Variants in WDPCP observed in about 807,000 individuals in gnomAD.
WDPCP encodes the protein WD repeat-containing and planar cell polarity effector protein fritz homolog.
WDPCP carries 71 observed loss-of-function variants against 93.1 expected under a neutral mutation model. That is an observed-to-expected ratio of 0.76 (90% CI 0.63 to 0.93). The LOEUF is 0.93. WDPCP is among the 40% of genes least tolerant of loss of function. The pLI is 0.00. For synonymous variants in WDPCP, 315 were observed against 315.0 expected (o/e 1.00, Z 0.00); for missense variants, 844 against 887.4 (o/e 0.95, Z 0.62).
At chr2:63,273,394 TAA>T (rs1682809443) in intron 13 of WDPCP, among the ~76,000 whole-genome samples, 1 of 148,812 alleles carries the variant, frequency 6.7e-6, no homozygotes, top group African/African-American at 2.5e-5. Flanking sequence ...TAATAAACAG[TAA>T]GAGAGGAAGA....
intron 12 of WDPCP, among the ~76,000 whole-genome samples, chr2:63,373,203 C>T (rs1691551756): frequency 6.6e-6 from 1 of 151,240 alleles, no homozygotes; most frequent in South Asian, 2.1e-4. Flanking sequence ...CTGGTATAAA[C>T]TTTTTTATAT....
chr2:63,688,242 C>T (rs768590855), intron 2 of WDPCP, among the ~76,000 whole-genome samples: 1 of 152,044 alleles, frequency 6.6e-6, no homozygotes, highest in South Asian at 2.1e-4. Context: ...CTGGCTAACA[C>T]GGTGAAACCC....
At chr2:63,267,913 T>C (rs1682276233) in intron 13 of WDPCP, among the ~76,000 whole-genome samples, 1 of 152,170 alleles carries the variant, frequency 6.6e-6, no homozygotes, top group Non-Finnish European at 1.5e-5. Context: ...GAAAACAGTA[T>C]GGAGGTTTCT....
intron 6 of WDPCP, among the ~76,000 whole-genome samples, chr2:63,470,686 T>C (rs1699639570): frequency 6.6e-6 from 1 of 152,178 alleles, no homozygotes; most frequent in South Asian, 2.1e-4. Context: ...TGAAACATAT[T>C]TCTCCACTCA....
At chr2:63,459,327 G>A (rs1279006814) in intron 6 of WDPCP, among the ~76,000 whole-genome samples, 1 of 151,864 alleles carries the variant, frequency 6.6e-6, no homozygotes, top group Non-Finnish European at 1.5e-5. Context: ...TCCAATAGGG[G>A]ACTACTAATA....
At chr2:63,762,635 C>T (rs1046897046) in intron 2 of WDPCP, among the ~76,000 whole-genome samples, 1 of 152,126 alleles carries the variant, frequency 6.6e-6, no homozygotes, top group Admixed American at 6.5e-5. Flanking sequence ...CTGAAGGGTC[C>T]CGAAGGAGGT....
At chr2:63,641,292 A>C (rs1459098524) in intron 3 of WDPCP, among the ~76,000 whole-genome samples, 1 of 152,194 alleles carries the variant, frequency 6.6e-6, no homozygotes, top group African/African-American at 2.4e-5. Context: ...GAGTGCAGAT[A>C]TCTCTTCAAT....
At chr2:63,383,598 A>G (rs983072356) in intron 10 of WDPCP, among the ~76,000 whole-genome samples, 7 of 152,140 alleles carry the variant, frequency 4.6e-5, no homozygotes, top group Non-Finnish European at 8.8e-5. Flanking sequence ...CAATAATCAC[A>G]GCTACTCGGG....
intron 1 of WDPCP, among the ~76,000 whole-genome samples, chr2:63,517,196 A>G (rs931357047): frequency 6.6e-6 from 1 of 152,092 alleles, no homozygotes; most frequent in Non-Finnish European, 1.5e-5. Context: ...ACTTTTGAGT[A>G]CCTATAATCC....
intron 3 of WDPCP, among the ~76,000 whole-genome samples, chr2:63,596,826 G>C (rs2106610207): frequency 6.6e-6 from 1 of 152,252 alleles, no homozygotes; most frequent in Non-Finnish European, 1.5e-5. Flanking sequence ...GTTGAACTCT[G>C]GACCAACCTA....
At chr2:63,707,465 T>A (rs192222330) in intron 2 of WDPCP, among the ~76,000 whole-genome samples, 261 of 152,206 alleles carry the variant, frequency 1.7e-3, no homozygotes, top group African/African-American at 5.8e-3. Context: ...CGTGCCATGG[T>A]TTTCAGCTCC....
chr2:63,632,945 A>G (rs1709879416), intron 3 of WDPCP, among the ~76,000 whole-genome samples: 1 of 152,204 alleles, frequency 6.6e-6, no homozygotes, highest in Non-Finnish European at 1.5e-5. Flanking sequence ...ACTGTCAAAA[A>G]TCAAAGACAG....
In WDPCP at chr2:63,560,792, T is replaced by C. The variant is rs182359092; in HGVS notation, c.75+27405A>G. On this transcript the variant is annotated intron_variant, in intron 1 of 17. Coordinates refer to ENST00000272321, the MANE Select transcript of WDPCP (RefSeq NM_015910.7). ...GTGGGAGTTGAATAATGAGAACACA[T>C]GGACACAGGGAGGGGAACATCATAC... Among the ~76,000 whole-genome samples the C allele has an allele frequency of 4.0e-4, 61 of 152,102 alleles. No homozygotes were observed. In the East Asian group the frequency reaches 0.011, roughly 28 times the overall value.
intron 2 of WDPCP, among the ~76,000 whole-genome samples, chr2:63,773,249 T>C (rs544966057): frequency 3.3e-5 from 5 of 152,154 alleles, no homozygotes; most frequent in African/African-American, 9.6e-5. Context: ...TGGTATACTA[T>C]ATAGCAACAA....
chr2:63,534,278 G>A (rs1456169658), intron 1 of WDPCP, among the ~76,000 whole-genome samples: 2 of 152,140 alleles, frequency 1.3e-5, no homozygotes, highest in African/African-American at 2.4e-5. Flanking sequence ...TTCTACCAGA[G>A]GTACAAAGAG....
chr2:63,477,379 T>C (rs1027290728), intron 6 of WDPCP, among the ~76,000 whole-genome samples: 6 of 152,146 alleles, frequency 3.9e-5, no homozygotes, highest in African/African-American at 1.4e-4. Context: ...TAAAACTATA[T>C]ATCTCATACC....
At chr2:63,332,446 GCTT>G (rs920225676) in intron 12 of WDPCP, among the ~76,000 whole-genome samples, 38 of 152,038 alleles carry the variant, frequency 2.5e-4, no homozygotes, top group Admixed American at 1.9e-3. Context: ...TACTGTAGTG[GCTT>G]CTTATTATAT....
At chr2:63,567,077 C>A (rs1707127018) in intron 1 of WDPCP, among the ~76,000 whole-genome samples, 1 of 152,094 alleles carries the variant, frequency 6.6e-6, no homozygotes, top group Non-Finnish European at 1.5e-5. Context: ...GGCTTGCCAC[C>A]CTCCCAGCAC....
intron 13 of WDPCP, among the ~76,000 whole-genome samples, chr2:63,268,481 T>G (rs1488543476): frequency 6.6e-6 from 1 of 152,150 alleles, no homozygotes; most frequent in Non-Finnish European, 1.5e-5. Flanking sequence ...TTATTTTATT[T>G]TGTAAAACAG....
Sources: allele counts gnomAD v4.1 joint callset (sites outside exome capture counted in the v4.1 genomes callset), GRCh38; gene constraint gnomAD v4.1.1; transcripts MANE v1.5; gene names NCBI Gene and HGNC (gene_info 2026-07-23, HGNC 2026-07-21).